DNAH12: variants seen among roughly 807,000 people sequenced by gnomAD.
DNAH12 encodes the protein axonemal beta dynein heavy chain 12.
In DNAH12, 285 loss-of-function variants were observed where a neutral mutation model predicts 371.5. The ratio of observed to expected loss-of-function variants is 0.77; its 90% CI spans 0.70 to 0.85. The LOEUF is 0.85. DNAH12 is among the 40% of genes least tolerant of loss of function. The pLI, the probability that DNAH12 is intolerant of heterozygous loss-of-function variation, is 0.00. For synonymous variants in DNAH12, 1,200 were observed against 1,213.0 expected, an observed-to-expected ratio of 0.99 and a Z score of 0.22; for missense variants, 3,611 against 3,689.4, an observed-to-expected ratio of 0.98 and a Z score of 0.55.
intron 60 of DNAH12, among the ~76,000 whole-genome samples, chr3:57,336,697 TA>T (rs1435775163): frequency 6.6e-6 from 1 of 152,152 alleles, no homozygotes; most frequent in African/African-American, 2.4e-5. Context: ...CATTAATATT[TA>T]AGTGTCTGTA....
intron 2 of DNAH12, among the ~76,000 whole-genome samples, chr3:57,536,770 C>G (rs1476608907): frequency 1.3e-5 from 2 of 152,182 alleles, no homozygotes; most frequent in African/African-American, 2.4e-5. Flanking sequence ...ATATGCCTGA[C>G]TTCCGGTTCT....
chr3:57,541,652 TC>T (rs1401017437), intron 2 of DNAH12, among the ~76,000 whole-genome samples: 1 of 151,690 alleles, frequency 6.6e-6, no homozygotes, highest in Non-Finnish European at 1.5e-5. Flanking sequence ...AGGCATGTAA[TC>T]TTTTTTTTTT....
the DNAH12 span, among the ~76,000 whole-genome samples, chr3:57,554,954 C>T: frequency 3.9e-5 from 6 of 152,210 alleles, no homozygotes; most frequent in South Asian, 4.1e-4. Flanking sequence ...ATAAAGTGCA[C>T]GATTCCTTAG....
chr3:57,304,811 C>T (rs2061435092), intron 69 of DNAH12, among the ~76,000 whole-genome samples: 1 of 151,920 alleles, frequency 6.6e-6, no homozygotes, highest in Non-Finnish European at 1.5e-5. Context: ...CAAGAACTCT[C>T]TGACCCCTTC....
chr3:57,340,780 G>T (rs2062374416), intron 60 of DNAH12, among the ~76,000 whole-genome samples: 1 of 152,060 alleles, frequency 6.6e-6, no homozygotes, highest in African/African-American at 2.4e-5. Context: ...AATTGAAGGG[G>T]AGGGAATTCT....
chr3:57,356,978 A>G (rs2062815721), intron 59 of DNAH12, among the ~76,000 whole-genome samples, 198 bp downstream of exon 59: 1 of 151,944 alleles, frequency 6.6e-6, no homozygotes, highest in Non-Finnish European at 1.5e-5. Flanking sequence ...CCTGACCTCA[A>G]GTGATCTGCC....
chr3:57,364,105 A>AT (rs1373542757), intron 57 of DNAH12, among the ~76,000 whole-genome samples: 7 of 152,158 alleles, frequency 4.6e-5, no homozygotes. Context: ...CTATTTCTTG[A>AT]TTTTGTCATC....
chr3:57,518,674 T>C (rs1351779176), intron 4 of DNAH12, among the ~76,000 whole-genome samples: 1 of 152,066 alleles, frequency 6.6e-6, no homozygotes, highest in East Asian at 1.9e-4. Flanking sequence ...ACTAAGCATA[T>C]GGGAGGGAGG....
At chr3:57,542,657 T>G in intron 2 of DNAH12, 44 bp downstream of exon 2, 1 of 1,540,360 alleles carries the variant, frequency 6.5e-7, no homozygotes, top group Non-Finnish European at 8.7e-7. Flanking sequence ...CTAATCATTT[T>G]ACTTGAATTC....
intron 69 of DNAH12, among the ~76,000 whole-genome samples, chr3:57,308,782 TGTCCTAG>T (rs1407642852): frequency 2.6e-5 from 4 of 152,228 alleles, no homozygotes; most frequent in African/African-American, 7.2e-5. Flanking sequence ...TCTAATTAGA[TGTCCTAG>T]GTCCTCCCAA....
chr3:57,455,009 A>T, intron 22 of DNAH12, 115 bp from the exon 23 acceptor site: 2 of 1,123,010 alleles, frequency 1.8e-6, no homozygotes, highest in South Asian at 2.6e-5. Context: ...AATGTCATAT[A>T]GTCATAAAAA....
At chr3:57,368,790 A>T (rs1459062490) in intron 55 of DNAH12, among the ~76,000 whole-genome samples, 1 of 152,218 alleles carries the variant, frequency 6.6e-6, no homozygotes, top group Non-Finnish European at 1.5e-5. Context: ...ACTGTGTTCA[A>T]GAACATATGA....
intron 60 of DNAH12, among the ~76,000 whole-genome samples, chr3:57,346,669 G>C (rs1418428533): frequency 6.6e-6 from 1 of 152,100 alleles, no homozygotes; most frequent in African/African-American, 2.4e-5. Context: ...GGTTGTCAGA[G>C]TGGATCCAAA....
chr3:57,493,017 C>G (rs1003624221), intron 11 of DNAH12, among the ~76,000 whole-genome samples: 1 of 151,880 alleles, frequency 6.6e-6, no homozygotes, highest in Non-Finnish European at 1.5e-5. Flanking sequence ...AACAAACAAA[C>G]AAACAAACAA....
At chr3:57,480,840 G>T (rs1445643373) in intron 13 of DNAH12, among the ~76,000 whole-genome samples, 1 of 152,158 alleles carries the variant, frequency 6.6e-6, no homozygotes, top group Admixed American at 6.5e-5. Context: ...CTCAATAGAT[G>T]CGGAAAAGGC....
Position 57,334,483 on chromosome 3 carries a change from C to T in DNAH12, c.9960G>A (p.Arg3320=), listed in dbSNP as rs1322210520. The T allele has an allele frequency of 1.3e-6, 2 of 1,548,670 alleles. No individual in the cohort carries two copies. The highest frequency in any genetic ancestry group is 1.7e-6 in the Non-Finnish European group (2 of 1,146,402). ...LNELQKIIIL[R]CLRPDKITPA... Reference sequence around the variant, plus strand: ...CTTTTACCTTATCAGGTCTTAAACACCGAAGAATTATTATTTTCTGTAGTT... The same window carrying T: ...CTTTTACCTTATCAGGTCTTAAACATCGAAGAATTATTATTTTCTGTAGTT... The change falls in exon 62 of 74, where the codon CGG becomes CGA. Residue 3320 remains arginine, a synonymous_variant. Transcript: ENST00000495027.
chr3:57,499,673 T>TATATATATATATATATATATATATAC (rs771112538), intron 11 of DNAH12, among the ~76,000 whole-genome samples: 1 of 44,462 alleles, frequency 2.2e-5, no homozygotes, highest in African/African-American at 8.9e-5. Flanking sequence ...TATATATATA[T>TATATATATATATATATATATATATAC]ATACTTCTTA....
intron 13 of DNAH12, among the ~76,000 whole-genome samples, chr3:57,478,441 C>T (rs1360076703): frequency 1.3e-5 from 2 of 152,096 alleles, no homozygotes; most frequent in Admixed American, 6.5e-5. Context: ...ACCATATCTA[C>T]GTCTGATTGG....
intron 32 of DNAH12, among the ~76,000 whole-genome samples, chr3:57,430,442 GATTT>G (rs1195987913): frequency 6.6e-6 from 1 of 151,696 alleles, no homozygotes; most frequent in Admixed American, 6.6e-5. Context: ...CTTTTCAATG[GATTT>G]ATTTAAAGCA....
Sources: gnomAD v4.1 joint callset for allele counts (sites outside exome capture counted in the v4.1 genomes callset) on GRCh38, gnomAD v4.1.1 for gene constraint, MANE v1.5 for transcripts, NCBI Gene and HGNC (gene_info 2026-07-23, HGNC 2026-07-21) for gene names.